Variants in SLC67A1 observed in about 807,000 individuals in gnomAD.
SLC67A1 encodes the protein solute carrier family 67 member 1.
chr11:2,916,322 G>A, the SLC67A1 span: 7 of 367,550 alleles, frequency 1.9e-5, no homozygotes, highest in Admixed American at 4.6e-5. Flanking sequence ...GGGAGGATCC[G>A]CCACCTGCCC....
At chr11:2,911,427 CA>C in the SLC67A1 span, among the ~76,000 whole-genome samples, 2,009 of 151,974 alleles carry the variant, frequency 0.013, 46 homozygotes, top group African/African-American at 0.044. Flanking sequence ...ACCCTGGGGC[CA>C]GGGGGCTGGC....
At chr11:2,914,515 C>T in the SLC67A1 span, among the ~76,000 whole-genome samples, 7 of 152,122 alleles carry the variant, frequency 4.6e-5, no homozygotes, top group Non-Finnish European at 1.0e-4. Flanking sequence ...GGACAGCCTG[C>T]GTCTCCCCCA....
the SLC67A1 span, among the ~76,000 whole-genome samples, chr11:2,911,569 A>G: frequency 2.6e-5 from 4 of 152,096 alleles, no homozygotes; most frequent in Non-Finnish European, 5.9e-5. Context: ...GGCGGCTGCC[A>G]TCCCAGGGTG....
At chr11:2,919,104 G>C in the SLC67A1 span, 52 of 585,176 alleles carry the variant, frequency 8.9e-5, no homozygotes, top group African/African-American at 9.2e-4. Context: ...GCAACCACAC[G>C]AGAGGCACTT....
the SLC67A1 span, chr11:2,918,122 CG>C: frequency 6.4e-7 from 1 of 1,573,164 alleles, no homozygotes; most frequent in Non-Finnish European, 8.7e-7. Context: ...GCCCCAACAG[CG>C]GCCAGAGCCT....
chr11:2,910,138 C>CA, the SLC67A1 span, among the ~76,000 whole-genome samples: 1 of 152,132 alleles, frequency 6.6e-6, no homozygotes, highest in Non-Finnish European at 1.5e-5. Flanking sequence ...GCTGTGCTGC[C>CA]GGCCTTGTTT....
chr11:2,912,576 G>A, the SLC67A1 span, among the ~76,000 whole-genome samples: 17 of 145,636 alleles, frequency 1.2e-4, no homozygotes, highest in East Asian at 2.3e-4. Flanking sequence ...TGCCTCATCC[G>A]CACCCACCTG....
the SLC67A1 span, chr11:2,922,411 G>A: frequency 1.2e-6 from 2 of 1,605,142 alleles, no homozygotes; most frequent in Non-Finnish European, 1.7e-6. Flanking sequence ...CCCCCACTCA[G>A]CTCGGCCCCC....
chr11:2,916,384 G>A, the SLC67A1 span: 4 of 458,680 alleles, frequency 8.7e-6, no homozygotes, highest in East Asian at 7.2e-5. Flanking sequence ...GGGCTGCCGG[G>A]GCCTGCATGG....
At chr11:2,917,879 T>TAAA in the SLC67A1 span, 1 of 763,962 alleles carries the variant, frequency 1.3e-6, no homozygotes, top group Non-Finnish European at 2.1e-6. Flanking sequence ...AAGGAAGCTT[T>TAAA]ACCCTGGCGG....
At chr11:2,916,897 A>G in the SLC67A1 span, 2 of 640,556 alleles carry the variant, frequency 3.1e-6, no homozygotes, top group Admixed American at 5.5e-5. Context: ...AGCTGCTGAC[A>G]TCATAGAAGC....
At chr11:2,914,069 T>C in the SLC67A1 span, among the ~76,000 whole-genome samples, 1 of 152,080 alleles carries the variant, frequency 6.6e-6, no homozygotes, top group Non-Finnish European at 1.5e-5. Context: ...TATAAGGAAA[T>C]GAGGTCACCT....
chr11:2,912,386 C>A, the SLC67A1 span, among the ~76,000 whole-genome samples: 1 of 152,244 alleles, frequency 6.6e-6, no homozygotes, highest in Non-Finnish European at 1.5e-5. Flanking sequence ...GCTGCCCCAA[C>A]GCCTGCAGCC....
the SLC67A1 span, among the ~76,000 whole-genome samples, chr11:2,905,005 C>T: frequency 6.6e-6 from 1 of 152,140 alleles, no homozygotes; most frequent in African/African-American, 2.4e-5. Context: ...AAGCAGGGCT[C>T]AGGGAGCACT....
chr11:2,907,103 C>T, the SLC67A1 span, among the ~76,000 whole-genome samples: 1 of 151,734 alleles, frequency 6.6e-6, no homozygotes, highest in African/African-American at 2.4e-5. The surrounding 1 kb of genome is among the most constrained non-coding windows in gnomAD (Gnocchi z 6.7). Flanking sequence ...GGGGGGGTTA[C>T]CGACTGCCCT....
At chr11:2,901,296 G>A in the SLC67A1 span, among the ~76,000 whole-genome samples, 3 of 152,378 alleles carry the variant, frequency 2.0e-5, no homozygotes, top group African/African-American at 4.8e-5. Context: ...CCGGCCTTGG[G>A]CCACCTGGCT....
the SLC67A1 span, chr11:2,919,490 G>T: frequency 4.0e-6 from 4 of 1,006,462 alleles, no homozygotes; most frequent in Non-Finnish European, 6.2e-6. Flanking sequence ...GCTCCTCCCC[G>T]GCGGAGGCTG....
At chr11:2,923,757 C>A in the SLC67A1 span, among the ~76,000 whole-genome samples, 1 of 152,196 alleles carries the variant, frequency 6.6e-6, no homozygotes, top group Admixed American at 6.5e-5. This position sits in a 1 kb window ranked among gnomAD's most constrained non-coding sequence, Gnocchi z 6.5. Flanking sequence ...CCCCTGGAGG[C>A]TGAGGGAGAC....
the SLC67A1 span, chr11:2,903,073 C>G: frequency 1.7e-6 from 1 of 594,840 alleles, no homozygotes; most frequent in Non-Finnish European, 2.6e-6. Flanking sequence ...GTCCCTGTCT[C>G]CCCTCCCCGG....
Sources: allele counts gnomAD v4.1 joint callset (sites outside exome capture counted in the v4.1 genomes callset), GRCh38; gene constraint gnomAD v4.1.1; non-coding constraint Gnocchi (gnomAD v3.1); transcripts MANE v1.5; gene names NCBI Gene and HGNC (gene_info 2026-07-23, HGNC 2026-07-21).